ZC3H13: variants seen among roughly 807,000 people sequenced by gnomAD.
The protein encoded by ZC3H13 is zinc finger CCCH-type containing 13.
Under a neutral mutation model 204.1 loss-of-function variants are expected in ZC3H13, and 64 were observed. The ratio of observed to expected loss-of-function variants is 0.31; its 90% CI spans 0.26 to 0.39. The LOEUF (loss-of-function observed/expected upper bound fraction) is 0.39. Among genes scored for constraint, ZC3H13 ranks in the 10% least tolerant of loss-of-function variants. ZC3H13 has a pLI of 1.00. For missense variants in ZC3H13, 1,833 were observed against 2,082.7 expected (o/e 0.88, Z 2.33); for synonymous variants, 667 against 693.7 (o/e 0.96, Z 0.60).
In ZC3H13 at chr13:45,967,815, C is replaced by G. The variant is rs765629152; in HGVS notation, c.4010G>C (p.Arg1337Pro). ...TCGTTCTCGTTCTCGCAATCTATCT[C>G]GATCCCTGTTGCGTGGCCAATCTTT... ...ADKDWPRNRD[R>P]DRLRERERER... The change falls in exon 15 of 19, where the codon CGA becomes CCA. Residue 1337 changes from arginine to proline, a missense_variant. Arg to Pro is a moderately radical substitution (Grantham distance 103). Transcript: ENST00000679008. 6.2e-7 allele frequency: 1 copy of G among 1,613,260 alleles called. No homozygotes were observed. The highest frequency in any genetic ancestry group is 8.5e-7 in the Non-Finnish European group (1 of 1,179,694).
At chr13:46,037,838 T>C (rs2043305219) in intron 4 of ZC3H13, among the ~76,000 whole-genome samples, 1 of 152,240 alleles carries the variant, frequency 6.6e-6, no homozygotes, top group Non-Finnish European at 1.5e-5. Context: ...CATTGTCCTC[T>C]CAACATATAA....
At chr13:46,022,341 T>C (rs1488753142) in intron 4 of ZC3H13, among the ~76,000 whole-genome samples, 2 of 151,970 alleles carry the variant, frequency 1.3e-5, no homozygotes, top group Admixed American at 6.6e-5. Flanking sequence ...GTAACATTTA[T>C]TAAGAAGGTC....
chr13:46,002,117 G>A (rs2040793510), intron 8 of ZC3H13, among the ~76,000 whole-genome samples: 1 of 152,144 alleles, frequency 6.6e-6, no homozygotes, highest in Non-Finnish European at 1.5e-5. Flanking sequence ...TTTCTCCAAA[G>A]ATGATATACA....
intron 8 of ZC3H13, among the ~76,000 whole-genome samples, chr13:45,996,819 T>C (rs1335080086): frequency 6.7e-6 from 1 of 150,218 alleles, no homozygotes. Flanking sequence ...AGAAAAACTG[T>C]ATGCTGAGGT....
At chr13:45,995,657 AG>A (rs2040278462) in intron 8 of ZC3H13, among the ~76,000 whole-genome samples, 2 of 152,242 alleles carry the variant, frequency 1.3e-5, no homozygotes, top group Admixed American at 6.5e-5. Context: ...GCTTTAGAAC[AG>A]GTAATCAAGT....
intron 4 of ZC3H13, among the ~76,000 whole-genome samples, chr13:46,036,739 G>GTT (rs201158058): frequency 6.6e-6 from 1 of 151,770 alleles, no homozygotes; most frequent in African/African-American, 2.4e-5. Context: ...GTTTTGTTTT[G>GTT]TTTTTTTGAG....
intron 4 of ZC3H13, among the ~76,000 whole-genome samples, chr13:46,034,421 T>C (rs1189414052): frequency 2.0e-5 from 3 of 152,202 alleles, no homozygotes; most frequent in Non-Finnish European, 4.4e-5. Context: ...CAAATTTTGA[T>C]ATATCCATCT....
chr13:45,985,018 CTTTT>C (rs1464400262), intron 10 of ZC3H13, among the ~76,000 whole-genome samples: 1 of 152,114 alleles, frequency 6.6e-6, no homozygotes, highest in Admixed American at 6.6e-5. Flanking sequence ...CGTGATTCTA[CTTTT>C]TTGTCTGATA....
At chr13:45,962,039 G>T in intron 17 of ZC3H13, 1 of 368,992 alleles carries the variant, frequency 2.7e-6, no homozygotes, top group Non-Finnish European at 3.7e-6. Context: ...CTTTCATGTT[G>T]GTACACTTGA....
rs200530203 is a variant in ZC3H13 at position 46,003,227 on chromosome 13, C to T, written c.856G>A (p.Val286Ile). Residue 286 changes from valine to isoleucine, a missense_variant, in exon 8 of 19, where the codon GTA (valine) becomes ATA (isoleucine). Coordinates refer to ENST00000679008, the MANE Select transcript of ZC3H13 (RefSeq NM_001330564.2). ...GTTTTTTCTTCTATCCTGTCTTTTA[C>T]TTTATATTTTTCTTTGTATTTTTTC... ...LGKKYKEKYK[V>I]KDRIEEKTRD... The T allele has an allele frequency of 1.9e-4, 300 of 1,612,952 alleles. No individual in the cohort carries two copies. Among genetic ancestry groups the T allele is most frequent in the Admixed American group, 4.3e-4 (26 of 59,924 alleles).
intron 6 of ZC3H13, 106 bp downstream of exon 6, chr13:46,011,309 T>C: frequency 9.8e-7 from 1 of 1,024,010 alleles, no homozygotes; most frequent in East Asian, 2.6e-5. Flanking sequence ...TTGATCAATA[T>C]ATCAGTATAC....
In ZC3H13 at chr13:45,985,452, T is replaced by C. The variant is rs1202398880; in HGVS notation, c.1565A>G (p.Tyr522Cys). Residue 522 changes from tyrosine to cysteine, a missense_variant, in exon 10 of 19, where the codon TAT (tyrosine) becomes TGT (cysteine). Around this residue, in one of 5 missense-constraint regions of ZC3H13, gnomAD observed 1,574 missense variants for 1,757.2 expected, o/e 0.90. Transcript: ENST00000679008. ...GRDTHRKEDT[Y>C]PEESRSYGRN... ...GCCATAACTCCGGGATTCTTCTGGA[T>C]ATGTATCCTCCTTTCGATGAGTATC... 1.2e-6 allele frequency: 2 copies of C among 1,614,244 alleles called. No individual in the cohort carries two copies. The highest frequency in any genetic ancestry group is 2.2e-5 in the East Asian group (1 of 44,886).
rs982372371 is a variant in ZC3H13, at chr13:45,954,634, T to A, written c.*2493A>T. ...AGTGGGAGGGGTTCATATAACCTTT[T>A]AAAATAGCAAGTTGAGGTGTAAAAG... is the stretch of plus-strand genomic sequence containing the variant. On this transcript the variant is annotated 3_prime_UTR_variant, in exon 19 of 19. Transcript: ENST00000679008. The A allele has an allele frequency of 6.6e-6, 1 of 152,186 alleles. No individual in the cohort carries two copies. Among genetic ancestry groups the A allele is most frequent in the Non-Finnish European group, 1.5e-5 (1 of 68,028 alleles). The allele number at this position is 152,186 out of a possible 1,614,324, so 9.4% of individuals were successfully genotyped here. A position where few individuals can be genotyped will look rare whatever the true frequency, so the allele number is the denominator to read the frequency against.
intron 1 of ZC3H13, among the ~76,000 whole-genome samples, chr13:46,046,502 C>CAAAAAAAA (rs1289336036): frequency 8.0e-6 from 1 of 125,672 alleles, no homozygotes; most frequent in Non-Finnish European, 1.6e-5. Flanking sequence ...ACTAAAAATA[C>CAAAAAAAA]AAAAAAAAAA....
chr13:45,995,897 A>G (rs2040298636), intron 8 of ZC3H13, among the ~76,000 whole-genome samples: 1 of 152,228 alleles, frequency 6.6e-6, no homozygotes, highest in African/African-American at 2.4e-5. Flanking sequence ...GCAGATTTCT[A>G]CACTCAGGTA....
Position 45,956,554 on chromosome 13 carries a change from C to T in ZC3H13, c.*573G>A, listed in dbSNP as rs1016383143. 1.3e-5 allele frequency: 2 copies of T among 152,046 alleles called. No individual in the cohort carries two copies. The highest frequency in any genetic ancestry group is 4.8e-5 in the African/African-American group (2 of 41,402). The allele number at this position is 152,046 out of a possible 1,614,324, so 9.4% of individuals were successfully genotyped here. On this transcript the variant is annotated 3_prime_UTR_variant, in exon 19 of 19. Transcript: ENST00000679008. Reference sequence around the variant, plus strand: ...CCAACATACATTGTAACAATGCACACATATTAATTAAAAAAAAGACCCATG... The same window carrying T: ...CCAACATACATTGTAACAATGCACATATATTAATTAAAAAAAAGACCCATG...
intron 4 of ZC3H13, among the ~76,000 whole-genome samples, chr13:46,021,026 C>T (rs774550908): frequency 1.5e-4 from 23 of 151,894 alleles, no homozygotes; most frequent in African/African-American, 5.1e-4. Flanking sequence ...CAAAAAAGGG[C>T]TAAACCATTC....
In ZC3H13 at chr13:45,980,020, A is replaced by G; in HGVS notation, c.1721-16T>C. 1.3e-6 allele frequency: 2 copies of G among 1,579,314 alleles called. No individual in the cohort carries two copies. Among genetic ancestry groups the G allele is most frequent in the Non-Finnish European group, 1.7e-6 (2 of 1,166,858 alleles). On this transcript the variant is annotated splice_polypyrimidine_tract_variant and intron_variant, in intron 10 of 18. Transcript: ENST00000679008. The stretch of plus-strand genomic sequence containing the variant: ...CCTCGACTTCCTAAACAAAGGATAG[A>G]CACACAAATGTTTACCACATACACT...
intron 8 of ZC3H13, among the ~76,000 whole-genome samples, chr13:45,998,299 A>C (rs1439696384): frequency 6.6e-6 from 1 of 152,132 alleles, no homozygotes; most frequent in Non-Finnish European, 1.5e-5. Context: ...GTACACACAC[A>C]AGTTATGTTT....
Sources: gnomAD v4.1 joint callset for allele counts (sites outside exome capture counted in the v4.1 genomes callset) on GRCh38, gnomAD v4.1.1 for gene constraint, gnomAD v4.1.1 regional missense constraint, MANE v1.5 for transcripts, NCBI Gene and HGNC (gene_info 2026-07-23, HGNC 2026-07-21) for gene names.